UNC13C: variants seen among roughly 807,000 people sequenced by gnomAD.
UNC13C encodes the protein protein unc-13 homolog C.
Under a neutral mutation model 245.4 loss-of-function variants are expected in UNC13C, and 174 were observed. That is an observed-to-expected ratio of 0.71 (90% CI 0.63 to 0.80). UNC13C has a LOEUF of 0.80. Among genes scored for constraint, UNC13C ranks in the 30% least tolerant of loss-of-function variants. The pLI, the probability that UNC13C is intolerant of heterozygous loss-of-function variation, is 0.00. For synonymous variants in UNC13C, 992 were observed against 895.1 expected, an observed-to-expected ratio of 1.11 and a Z score of -1.93; for missense variants, 2,829 against 2,602.9, an observed-to-expected ratio of 1.09 and a Z score of -1.89.
chr15:54,620,386 G>A (rs1204480268), intron 30 of UNC13C, among the ~76,000 whole-genome samples: 1 of 152,102 alleles, frequency 6.6e-6, no homozygotes, highest in Non-Finnish European at 1.5e-5. Flanking sequence ...TTCCTTAGAC[G>A]TTACTTGTTT....
At chr15:54,261,184 T>C (rs2036414619) in intron 8 of UNC13C, among the ~76,000 whole-genome samples, 2 of 152,214 alleles carry the variant, frequency 1.3e-5, no homozygotes, top group Non-Finnish European at 2.9e-5. Flanking sequence ...GGCATATTAC[T>C]GTATTTCAAT....
chr15:54,416,766 C>A (rs1328335283), intron 19 of UNC13C: 1 of 369,978 alleles, frequency 2.7e-6, no homozygotes, highest in South Asian at 2.1e-5. Flanking sequence ...GATTCTTAAT[C>A]TCCTTTGTCA....
At chr15:53,977,130 A>T (rs1893734859), upstream of UNC13C, among the ~76,000 whole-genome samples, 1 of 152,164 alleles carries the variant, frequency 6.6e-6, no homozygotes, top group Non-Finnish European at 1.5e-5. Context: ...GCTCAGGTCC[A>T]TTAACAGTCA....
At chr15:54,176,948 A>G (rs2033635824) in intron 4 of UNC13C, among the ~76,000 whole-genome samples, 1 of 152,098 alleles carries the variant, frequency 6.6e-6, no homozygotes, top group African/African-American at 2.4e-5. Context: ...TATCATGGGA[A>G]CACCAGTAGC....
At chr15:54,575,480 G>T (rs1025104532) in intron 30 of UNC13C, among the ~76,000 whole-genome samples, 1 of 151,586 alleles carries the variant, frequency 6.6e-6, no homozygotes, top group Non-Finnish European at 1.5e-5. Context: ...TTCTGAAATG[G>T]TTCACTGTGG....
At chr15:53,929,888 A>G in the UNC13C span, among the ~76,000 whole-genome samples, 1 of 152,240 alleles carries the variant, frequency 6.6e-6, no homozygotes, top group Non-Finnish European at 1.5e-5. Flanking sequence ...AACAAAAATA[A>G]GATGCTACCG....
At chr15:54,459,114 T>G (rs1174919516) in intron 19 of UNC13C, among the ~76,000 whole-genome samples, 4 of 152,192 alleles carry the variant, frequency 2.6e-5, no homozygotes, top group Admixed American at 6.5e-5. Context: ...TCTCAGCATT[T>G]GTCTGAAAAA....
chr15:54,006,434 T>C (rs1432238106), intron 1 of UNC13C, among the ~76,000 whole-genome samples: 2 of 152,220 alleles, frequency 1.3e-5, no homozygotes, highest in African/African-American at 4.8e-5. Flanking sequence ...TCTGATTTGA[T>C]CATTTTTGTT....
chr15:53,890,810 AC>A, the UNC13C span, among the ~76,000 whole-genome samples: 1 of 151,806 alleles, frequency 6.6e-6, no homozygotes, highest in Non-Finnish European at 1.5e-5. Flanking sequence ...TTTTAAAAAA[AC>A]CAGCTCCTGG....
At chr15:54,153,539 G>A (rs1046053609) in intron 4 of UNC13C, among the ~76,000 whole-genome samples, 2 of 151,950 alleles carry the variant, frequency 1.3e-5, no homozygotes, top group Non-Finnish European at 2.9e-5. Context: ...AGATCTAGCT[G>A]ACTCCAGAAT....
At chr15:54,026,262 A>G (rs1896104656) in intron 2 of UNC13C, among the ~76,000 whole-genome samples, 1 of 152,196 alleles carries the variant, frequency 6.6e-6, no homozygotes, top group South Asian at 2.1e-4. Flanking sequence ...TGAAGTCCTC[A>G]AGTCTCTATT....
At chr15:54,525,785 A>G (rs1895425353) in intron 25 of UNC13C, 148 bp downstream of exon 25, 2 of 691,160 alleles carry the variant, frequency 2.9e-6, no homozygotes, top group Admixed American at 5.0e-5. Context: ...AACATCTGTT[A>G]TGACCCCACA....
the UNC13C span, among the ~76,000 whole-genome samples, chr15:53,855,467 C>A: frequency 4.6e-5 from 7 of 152,042 alleles, no homozygotes; most frequent in Non-Finnish European, 1.5e-5. Context: ...TAGGTATGTT[C>A]CATCAATACC....
chr15:54,342,705 G>A lies in UNC13C; in HGVS notation c.4713+4216G>A, dbSNP rs75772125. On this transcript the variant is annotated intron_variant, in intron 17 of 32. Transcript: ENST00000260323. Reference sequence around the variant, plus strand: ...ATTCTAGAAAGCAATGTTAGATGAAGGCAAGTAAGACTCTTCCAAACTGGA... The same window carrying A: ...ATTCTAGAAAGCAATGTTAGATGAAAGCAAGTAAGACTCTTCCAAACTGGA... Among the ~76,000 whole-genome samples, 1,511 of 152,262 alleles carry A rather than the reference G, an allele frequency of 9.9e-3. 31 individuals are homozygous for A. The highest frequency in any genetic ancestry group is 0.035 in the African/African-American group (1,433 of 41,528).
Position 54,518,123 on chromosome 15 carries a change from C to T in UNC13C, c.5457+6293C>T, listed in dbSNP as rs532393583. On this transcript the variant is annotated intron_variant, in intron 24 of 32. Transcript: ENST00000260323. The stretch of plus-strand genomic sequence containing the variant: ...CTGCAATTAGATTTAATAAATTGAA[C>T]TTAATGGAAAATTAAGAGAATAATA... Among the ~76,000 whole-genome samples, 5 of 152,126 alleles carry T rather than the reference C, an allele frequency of 3.3e-5. No homozygotes were observed. The East Asian group carries it at 5.8e-4, about 18-fold the overall frequency.
chr15:53,908,381 T>G, the UNC13C span, among the ~76,000 whole-genome samples: 248 of 146,484 alleles, frequency 1.7e-3, 13 homozygotes, highest in African/African-American at 6.0e-3. Context: ...AGTAGTTACA[T>G]TATTCCAGGG....
chr15:54,334,199 G>A (rs934829251), intron 16 of UNC13C, among the ~76,000 whole-genome samples: 3 of 152,070 alleles, frequency 2.0e-5, no homozygotes, highest in East Asian at 1.9e-4. Flanking sequence ...TAACTTAGAT[G>A]TTTTGCCGAC....
chr15:54,451,490 ATTATT>A (rs1420458617), intron 19 of UNC13C, among the ~76,000 whole-genome samples: 2 of 151,902 alleles, frequency 1.3e-5, no homozygotes, highest in African/African-American at 4.8e-5. Flanking sequence ...GTCTGACTGG[ATTATT>A]TTAAAGACCT....
chr15:53,969,789 G>C, the UNC13C span, among the ~76,000 whole-genome samples: 1 of 151,124 alleles, frequency 6.6e-6, no homozygotes, highest in Non-Finnish European at 1.5e-5. Context: ...TAAGTATATT[G>C]ACATTGTTGT....
Sources: gnomAD v4.1 joint callset for allele counts (sites outside exome capture counted in the v4.1 genomes callset) on GRCh38, gnomAD v4.1.1 for gene constraint, MANE v1.5 for transcripts, NCBI Gene and HGNC (gene_info 2026-07-23, HGNC 2026-07-21) for gene names.